ANKRD11: variants seen among roughly 807,000 people sequenced by gnomAD.
ANKRD11 encodes the protein ankyrin repeat domain 11.
A neutral mutation model predicts 195.7 loss-of-function variants in ANKRD11; 17 were observed. The observed-to-expected ratio is 0.09, with a 90% CI of 0.06 to 0.13. The LOEUF (loss-of-function observed/expected upper bound fraction) is 0.13. Ranked by LOEUF, ANKRD11 falls within the 10% of genes least tolerant of loss-of-function variation. The pLI is 1.00. For synonymous variants in ANKRD11, 1,953 were observed against 1,528.1 expected (o/e 1.28, Z -6.49); for missense variants, 3,735 against 3,566.1 (o/e 1.05, Z -1.21).
intron 2 of ANKRD11, among the ~76,000 whole-genome samples, chr16:89,343,080 G>C (rs2038767758): frequency 1.3e-5 from 2 of 152,198 alleles, no homozygotes; most frequent in African/African-American, 4.8e-5. Flanking sequence ...GAGTGCAGTG[G>C]TGCGATCTCG....
At chr16:89,296,361 C>T (rs1041527699) in intron 4 of ANKRD11, among the ~76,000 whole-genome samples, 2 of 152,120 alleles carry the variant, frequency 1.3e-5, no homozygotes, top group African/African-American at 2.4e-5. Context: ...GCCTGTTAAG[C>T]TGCATTCTCT....
chr16:89,342,289 C>A (rs1201207986), intron 2 of ANKRD11, among the ~76,000 whole-genome samples: 1 of 152,258 alleles, frequency 6.6e-6, no homozygotes, highest in Non-Finnish European at 1.5e-5. Context: ...ATGAGAGCGG[C>A]AGCCCAGGCT....
chr16:89,272,966 CAG>C (rs2033297793), intron 11 of ANKRD11: 2 of 142,242 alleles, frequency 1.4e-5, no homozygotes, highest in Admixed American at 7.6e-5. Flanking sequence ...CTCATGGACA[CAG>C]AGTAGAACGA....
chr16:89,453,305 C>A (rs542508063), intron 1 of ANKRD11, among the ~76,000 whole-genome samples: 11 of 152,238 alleles, frequency 7.2e-5, no homozygotes, highest in Admixed American at 5.2e-4. Flanking sequence ...AATTATTGTT[C>A]GAGGTCAATA....
chr16:89,426,046 T>C (rs559326722), intron 1 of ANKRD11, among the ~76,000 whole-genome samples: 80 of 152,004 alleles, frequency 5.3e-4, no homozygotes, highest in South Asian at 8.3e-4. Flanking sequence ...GGAATCAAAC[T>C]CCTCTGCTAA....
chr16:89,483,466 T>C (rs1177171597), intron 1 of ANKRD11, among the ~76,000 whole-genome samples: 1 of 152,212 alleles, frequency 6.6e-6, no homozygotes, highest in Non-Finnish European at 1.5e-5. Context: ...TTTTCTGAGT[T>C]TCACACTAAA....
chr16:89,324,883 A>G (rs1035145554), intron 2 of ANKRD11: 5 of 238,180 alleles, frequency 2.1e-5, no homozygotes, highest in Admixed American at 1.6e-4. Context: ...TGACTGTGTG[A>G]GTCAATACTC....
At chr16:89,287,384 C>T (rs537059668) in intron 7 of ANKRD11, 28 of 242,252 alleles carry the variant, frequency 1.2e-4, no homozygotes, top group South Asian at 5.4e-4. Context: ...GGTCACAACA[C>T]GGGCATCTTG....
At position 89,284,486 on chromosome 16, in the gene ANKRD11, C is replaced by T. The variant is rs759702780; in HGVS notation, c.2056G>A (p.Val686Met). 1.2e-6 allele frequency: 2 copies of T among 1,614,084 alleles called. No homozygotes were observed. ...AAGTGGTCGCGATCGTGCTTTAACA[C>T]TTTTAGCTTGTTTTCAGTGGAAAGA... Reference protein sequence around the residue: ...NDLSTENKLKVLKHDRDHFKK... With the variant: ...NDLSTENKLKMLKHDRDHFKK... Residue 686 changes from valine to methionine, a missense_variant, in exon 9 of 13, where the codon GTG becomes ATG. Coordinates refer to ENST00000301030, the MANE Select transcript of ANKRD11 (RefSeq NM_013275.6).
intron 1 of ANKRD11, 67 bp from the exon 2 acceptor site, chr16:89,418,435 C>T (rs1474768697): frequency 4.9e-6 from 2 of 408,088 alleles, no homozygotes; most frequent in Non-Finnish European, 1.0e-5. Flanking sequence ...TCATCGCTCT[C>T]GTCTCCCTCC....
At chr16:89,432,731 G>C (rs989124556) in intron 1 of ANKRD11, among the ~76,000 whole-genome samples, 2 of 151,904 alleles carry the variant, frequency 1.3e-5, no homozygotes, top group Non-Finnish European at 2.9e-5. Context: ...ATAATCTTGA[G>C]CCCAGGAGTT....
At chr16:89,353,342 C>CAA (rs906588650) in intron 2 of ANKRD11, among the ~76,000 whole-genome samples, 3 of 141,940 alleles carry the variant, frequency 2.1e-5, no homozygotes, top group African/African-American at 7.8e-5. Context: ...ACTCCAACTC[C>CAA]AAAAAAAAAG....
At chr16:89,428,594 A>G (rs571473108) in intron 1 of ANKRD11, among the ~76,000 whole-genome samples, 1 of 152,076 alleles carries the variant, frequency 6.6e-6, no homozygotes, top group Admixed American at 6.5e-5. Flanking sequence ...TATTTCCTTT[A>G]AAAATACACC....
intron 2 of ANKRD11, among the ~76,000 whole-genome samples, chr16:89,371,506 G>A (rs961824597): frequency 6.6e-6 from 1 of 151,830 alleles, no homozygotes; most frequent in Non-Finnish European, 1.5e-5. Flanking sequence ...GTGGTCTGTA[G>A]TCTGTGCACC....
chr16:89,328,322 A>G (rs2037844847), intron 2 of ANKRD11, among the ~76,000 whole-genome samples: 2 of 152,182 alleles, frequency 1.3e-5, no homozygotes, highest in South Asian at 2.1e-4. Flanking sequence ...TTGCTGCCCC[A>G]CTCAACAACT....
intron 11 of ANKRD11, 31 bp downstream of exon 11, chr16:89,274,783 C>T: frequency 6.2e-7 from 1 of 1,605,738 alleles, no homozygotes; most frequent in African/African-American, 1.3e-5. Context: ...GGCACTTGGA[C>T]TCATGGGCCT....
At chr16:89,447,041 T>G (rs935051850) in intron 1 of ANKRD11, among the ~76,000 whole-genome samples, 5 of 152,004 alleles carry the variant, frequency 3.3e-5, no homozygotes, top group African/African-American at 1.2e-4. Flanking sequence ...ACTGAATGCC[T>G]GCCATCCCTC....
At position 89,286,120 on chromosome 16, in the gene ANKRD11, G is replaced by T; in HGVS notation, c.811C>A (p.Leu271Met). 6.2e-7 allele frequency: 1 copy of T among 1,614,218 alleles called. No individual in the cohort carries two copies. The highest frequency in any genetic ancestry group is 8.5e-7 in the Non-Finnish European group (1 of 1,180,046). ...QQSNRKGETP[L>M]KVANSPTMVN... ...ATCGTGGGGGAGTTGGCCACTTTCA[G>T]CGGCGTCTCGCCTTTCCTGTTGCTC... The change falls in exon 8 of 13, where the codon CTG becomes ATG. Residue 271 changes from leucine (L) to methionine (M), a missense_variant. Coordinates refer to ENST00000301030, the MANE Select transcript of ANKRD11 (RefSeq NM_013275.6).
chr16:89,381,842 A>C (rs974665157), intron 2 of ANKRD11, among the ~76,000 whole-genome samples: 1 of 152,258 alleles, frequency 6.6e-6, no homozygotes, highest in African/African-American at 2.4e-5. Context: ...GTCAGATGAG[A>C]CCCAGGAGGG....
Sources: allele counts gnomAD v4.1 joint callset (sites outside exome capture counted in the v4.1 genomes callset), GRCh38; gene constraint gnomAD v4.1.1; transcripts MANE v1.5; gene names NCBI Gene and HGNC (gene_info 2026-07-23, HGNC 2026-07-21).